Variants in C12orf54 observed in about 807,000 individuals in gnomAD.
C12orf54 encodes chromosome 12 open reading frame 54.
C12orf54 carries 24 observed loss-of-function variants against 26.4 expected under a neutral mutation model. The ratio of observed to expected loss-of-function variants is 0.91; its 90% CI spans 0.66 to 1.28. C12orf54 has a LOEUF of 1.28. C12orf54 is among the 50% of genes most tolerant of loss of function. The probability of loss-of-function intolerance (pLI) is 0.00; values close to 1 mark genes in which losing one functional copy is unlikely to be tolerated. For synonymous variants in C12orf54, 54 were observed against 47.0 expected, an observed-to-expected ratio of 1.15 and a Z score of -0.61; for missense variants, 154 against 150.9, an observed-to-expected ratio of 1.02 and a Z score of -0.11.
At chr12:48,439,450 T>C in the C12orf54 span, among the ~76,000 whole-genome samples, 1 of 152,184 alleles carries the variant, frequency 6.6e-6, no homozygotes, top group East Asian at 1.9e-4. Context: ...CATGCACACG[T>C]ATGTTTATTG....
the C12orf54 span, among the ~76,000 whole-genome samples, chr12:48,477,235 A>G: frequency 6.6e-6 from 1 of 152,216 alleles, no homozygotes. Flanking sequence ...TCTCTGGGAC[A>G]CATTCAAAGC....
At chr12:48,415,130 A>G in the C12orf54 span, among the ~76,000 whole-genome samples, 5 of 152,210 alleles carry the variant, frequency 3.3e-5, no homozygotes, top group Non-Finnish European at 7.3e-5. Context: ...GTTTGCCTCC[A>G]TCCTAGCTAA....
At chr12:48,451,939 C>T in the C12orf54 span, among the ~76,000 whole-genome samples, 4 of 152,044 alleles carry the variant, frequency 2.6e-5, no homozygotes, top group African/African-American at 7.3e-5. Context: ...AATGCTATTC[C>T]CATTAAACTA....
chr12:48,463,384 A>C, the C12orf54 span, among the ~76,000 whole-genome samples: 1 of 152,026 alleles, frequency 6.6e-6, no homozygotes, highest in Non-Finnish European at 1.5e-5. Context: ...GAAGAAATTG[A>C]ATCCCTGAAC....
the C12orf54 span, among the ~76,000 whole-genome samples, chr12:48,427,644 C>T: frequency 2.6e-5 from 4 of 151,998 alleles, no homozygotes; most frequent in African/African-American, 9.7e-5. Flanking sequence ...AACATATATG[C>T]ACCTAACACG....
chr12:48,433,466 G>T, the C12orf54 span, among the ~76,000 whole-genome samples: 6 of 136,146 alleles, frequency 4.4e-5, no homozygotes, highest in Non-Finnish European at 4.7e-5. Context: ...GGGGGGGGGG[G>T]GGGCAGGATC....
At chr12:48,479,618 A>G (rs545267239), upstream of C12orf54, among the ~76,000 whole-genome samples, 2 of 150,880 alleles carry the variant, frequency 1.3e-5, no homozygotes, top group African/African-American at 4.9e-5. Flanking sequence ...TTTTTTTCAT[A>G]CACCCGAGCA....
the C12orf54 span, among the ~76,000 whole-genome samples, chr12:48,430,811 G>A: frequency 6.6e-6 from 1 of 152,150 alleles, no homozygotes; most frequent in Non-Finnish European, 1.5e-5. Context: ...CTACCCAGAG[G>A]AAAATCAATC....
the C12orf54 span, among the ~76,000 whole-genome samples, chr12:48,416,608 T>A: frequency 6.6e-6 from 1 of 152,154 alleles, no homozygotes; most frequent in Non-Finnish European, 1.5e-5. Flanking sequence ...ATGCCTGTAA[T>A]CCTAGCACTT....
the C12orf54 span, among the ~76,000 whole-genome samples, chr12:48,417,757 C>A: frequency 6.6e-6 from 1 of 152,094 alleles, no homozygotes; most frequent in Non-Finnish European, 1.5e-5. Flanking sequence ...CTAGTAGTCC[C>A]CAGTGTCTAT....
At chr12:48,483,601 C>T (rs533479113) in intron 2 of C12orf54, 15 of 449,262 alleles carry the variant, frequency 3.3e-5, no homozygotes, top group East Asian at 1.2e-4. Flanking sequence ...TAGGGGTTGG[C>T]GGGGTATACA....
intron 4 of C12orf54, chr12:48,487,878 C>T (rs2731094): frequency 0.51 from 285,719 of 562,798 alleles, 77,737 homozygotes; most frequent in East Asian, 0.78. Context: ...GGCTGGGTAA[C>T]ACAGTAGGTG....
the C12orf54 span, among the ~76,000 whole-genome samples, chr12:48,413,231 A>G: frequency 6.6e-6 from 1 of 152,214 alleles, no homozygotes; most frequent in East Asian, 1.9e-4. Context: ...TCTTTCTTTT[A>G]CCATTCTATA....
the C12orf54 span, among the ~76,000 whole-genome samples, chr12:48,454,519 TG>T: frequency 1.3e-5 from 2 of 152,186 alleles, no homozygotes; most frequent in African/African-American, 2.4e-5. Flanking sequence ...CTAGGAGATG[TG>T]GGGTTTGCCT....
the C12orf54 span, among the ~76,000 whole-genome samples, chr12:48,422,024 A>T: frequency 2.1e-4 from 32 of 152,290 alleles, no homozygotes; most frequent in African/African-American, 7.5e-4. Flanking sequence ...TGTAATGCGG[A>T]TGGTGTATCT....
At chr12:48,469,826 G>T in the C12orf54 span, among the ~76,000 whole-genome samples, 1 of 152,030 alleles carries the variant, frequency 6.6e-6, no homozygotes, top group Non-Finnish European at 1.5e-5. Flanking sequence ...TCTGTTTGGG[G>T]TCCCTGACTT....
At chr12:48,476,942 C>T in the C12orf54 span, among the ~76,000 whole-genome samples, 1 of 152,226 alleles carries the variant, frequency 6.6e-6, no homozygotes, top group Non-Finnish European at 1.5e-5. Context: ...ACAGAATATA[C>T]ATTCTTTTCA....
At chr12:48,414,840 G>A in the C12orf54 span, among the ~76,000 whole-genome samples, 32 of 152,264 alleles carry the variant, frequency 2.1e-4, 2 homozygotes, top group African/African-American at 6.7e-4. Flanking sequence ...AGGGACCAGC[G>A]TGGGGCCTCC....
chr12:48,472,770 G>A, the C12orf54 span: 1 of 1,614,158 alleles, frequency 6.2e-7, no homozygotes, highest in Non-Finnish European at 8.5e-7. Context: ...CAAATTGGAA[G>A]GCCTCACAGA....
Sources: allele counts gnomAD v4.1 joint callset (sites outside exome capture counted in the v4.1 genomes callset), GRCh38; gene constraint gnomAD v4.1.1; transcripts MANE v1.5; gene names NCBI Gene and HGNC (gene_info 2026-07-23, HGNC 2026-07-21).